The following CDS2 variants were observed in gnomAD, a reference collection of about 807,000 sequenced individuals.
CDS2 encodes CDP-diacylglycerol synthase 2, also known as phosphatidate cytidylyltransferase 2.
CDS2 carries 47 observed loss-of-function variants against 59.0 expected under a neutral mutation model. The observed-to-expected ratio is 0.80, with a 90% confidence interval of 0.63 to 1.02. The LOEUF (loss-of-function observed/expected upper bound fraction) is 1.02. Ranked by LOEUF, CDS2 falls within the 50% of genes least tolerant of loss-of-function variation. CDS2 has a pLI of 0.00. For missense variants in CDS2, 356 were observed against 558.9 expected (o/e 0.64, Z 3.66); for synonymous variants, 207 against 206.4 (o/e 1.00, Z -0.02).
intron 10 of CDS2, 131 bp from the exon 11 acceptor site, chr20:5,188,936 A>G: frequency 8.7e-7 from 1 of 1,153,740 alleles, no homozygotes. Flanking sequence ...CCTGTGACCC[A>G]AACACCTCCC....
At chr20:5,188,271 C>A (rs1254228033) in intron 10 of CDS2, among the ~76,000 whole-genome samples, 1 of 152,152 alleles carries the variant, frequency 6.6e-6, no homozygotes, top group Admixed American at 6.5e-5. Context: ...TAAGAGAGAA[C>A]AAAGTCCATT....
At chr20:5,153,104 T>C (rs1045503375) in intron 1 of CDS2, among the ~76,000 whole-genome samples, 36 of 152,218 alleles carry the variant, frequency 2.4e-4, no homozygotes, top group Admixed American at 1.9e-3. Context: ...TTTTGAACTT[T>C]GATCCACAGG....
At chr20:5,138,989 C>G (rs1054243993) in intron 1 of CDS2, among the ~76,000 whole-genome samples, 5 of 152,114 alleles carry the variant, frequency 3.3e-5, no homozygotes, top group Non-Finnish European at 5.9e-5. Context: ...ATCACACTAC[C>G]TGATTTCAAA....
intron 5 of CDS2, among the ~76,000 whole-genome samples, chr20:5,182,051 A>G (rs2091036628): frequency 6.6e-6 from 1 of 152,228 alleles, no homozygotes; most frequent in South Asian, 2.1e-4. Flanking sequence ...CTGTGTTTGA[A>G]TAAAACTTTA....
At position 5,197,627 on chromosome 20, in the gene CDS2, G is replaced by C. The variant is rs866752335; in HGVS notation, c.*7393G>C. The C allele has an allele frequency of 6.6e-6, 1 of 152,206 alleles. No individual in the cohort carries two copies. The highest frequency in any genetic ancestry group is 2.4e-5 in the African/African-American group (1 of 41,514). The allele number at this position is 152,206 out of a possible 1,614,324, so 9.4% of individuals were successfully genotyped here. A position where few individuals can be genotyped will look rare whatever the true frequency, so the allele number is the denominator to read the frequency against. On this transcript the variant is annotated 3_prime_UTR_variant, in exon 13 of 13. Coordinates refer to ENST00000460006, the MANE Select transcript of CDS2 (RefSeq NM_003818.4). ...GCGACCTTGAAGCAGTTCTCGGTGT[G>C]TAGAGTCCACGTGACAGTCCCCACA...
chr20:5,189,980 G>T, intron 12 of CDS2, 122 bp from the exon 13 acceptor site: 1 of 1,404,056 alleles, frequency 7.1e-7, no homozygotes, highest in Non-Finnish European at 9.8e-7. Context: ...ATTTTCTGAG[G>T]CCTCCTGTCA....
At chr20:5,173,498 T>C (rs2090971595) in intron 1 of CDS2, 25 bp from the exon 2 acceptor site, 3 of 1,613,174 alleles carry the variant, frequency 1.9e-6, no homozygotes, top group Non-Finnish European at 2.5e-6. Context: ...TTGACCTTTT[T>C]CTCTTCTGTA....
chr20:5,185,729 T>G (rs774938379), intron 8 of CDS2, 29 bp from the exon 9 acceptor site: 1 of 1,606,870 alleles, frequency 6.2e-7, no homozygotes, highest in South Asian at 1.1e-5. Context: ...CAAAACACCC[T>G]TTGCTGAGAA....
intron 1 of CDS2, among the ~76,000 whole-genome samples, chr20:5,127,399 C>T (rs1490742799): frequency 6.6e-6 from 1 of 152,108 alleles, no homozygotes; most frequent in African/African-American, 2.4e-5. Flanking sequence ...AGGAGCTTCT[C>T]GGGAGTGGCG....
At chr20:5,129,504 A>G (rs1373324964) in intron 1 of CDS2, among the ~76,000 whole-genome samples, 4 of 150,232 alleles carry the variant, frequency 2.7e-5, no homozygotes, top group African/African-American at 7.4e-5. Flanking sequence ...GTGCAATGGC[A>G]TGATGTTGGC....
intron 1 of CDS2, among the ~76,000 whole-genome samples, chr20:5,165,836 GGTTTGCAGACT>G (rs990583850): frequency 6.6e-6 from 1 of 152,122 alleles, no homozygotes; most frequent in African/African-American, 2.4e-5. Flanking sequence ...AGTAGAGGGT[GGTTTGCAGACT>G]GTTTAAGTAG....
intron 1 of CDS2, among the ~76,000 whole-genome samples, chr20:5,147,583 T>G (rs2122984657): frequency 6.6e-6 from 1 of 152,276 alleles, no homozygotes; most frequent in East Asian, 1.9e-4. Flanking sequence ...TTCTTTCTTT[T>G]TATTTTTGTA....
chr20:5,167,639 AT>A (rs1477494272), intron 1 of CDS2, among the ~76,000 whole-genome samples: 1 of 152,006 alleles, frequency 6.6e-6, no homozygotes, highest in Non-Finnish European at 1.5e-5. Flanking sequence ...CCTGACACTT[AT>A]TAAGGATGCT....
chr20:5,169,673 A>G (rs920226874), intron 1 of CDS2, among the ~76,000 whole-genome samples: 1 of 152,250 alleles, frequency 6.6e-6, no homozygotes, highest in African/African-American at 2.4e-5. Flanking sequence ...CAAAGCATAC[A>G]TGGGAAAGAA....
At position 5,189,084 on chromosome 20, in the gene CDS2, C is replaced by T. The variant is rs370998735; in HGVS notation, c.999C>T (p.Tyr333=). ...SVIGWKTVRM[Y]PFQIHSIALS... ...CTTCTCAGAAAACGGTCCGGATGTA[C>T]CCCTTCCAGATTCACAGCATCGCTC... Residue 333 remains tyrosine, a synonymous_variant, in exon 11 of 13, where the codon TAC becomes TAT. Coordinates refer to ENST00000460006, the MANE Select transcript of CDS2 (RefSeq NM_003818.4). The T allele has an allele frequency of 6.2e-7, 1 of 1,614,162 alleles. No individual in the cohort carries two copies. The highest frequency in any genetic ancestry group is 2.2e-5 in the East Asian group (1 of 44,884).
At chr20:5,186,585 G>A (rs2091069563) in intron 9 of CDS2, 102 bp from the exon 10 acceptor site, 6 of 1,109,370 alleles carry the variant, frequency 5.4e-6, no homozygotes, top group South Asian at 1.4e-5. Context: ...CAGTTAGCAG[G>A]GTACTAGGCA....
intron 1 of CDS2, among the ~76,000 whole-genome samples, chr20:5,139,108 A>G (rs532664417): frequency 3.7e-4 from 57 of 152,308 alleles, no homozygotes; most frequent in African/African-American, 1.3e-3. Flanking sequence ...TTGGGAGGCC[A>G]AGGTGGGTGG....
intron 1 of CDS2, among the ~76,000 whole-genome samples, chr20:5,162,817 A>C (rs76039244): frequency 3.8e-4 from 58 of 152,158 alleles, no homozygotes; most frequent in Non-Finnish European, 7.2e-4. Context: ...TGAGAACCTG[A>C]TAAGTATGGT....
intron 5 of CDS2, among the ~76,000 whole-genome samples, chr20:5,181,683 T>C (rs980314251): frequency 6.6e-6 from 1 of 152,204 alleles, no homozygotes; most frequent in Admixed American, 6.5e-5. Flanking sequence ...GCAAACATTG[T>C]AGAGTGTACT....
Sources: gnomAD v4.1 joint callset for allele counts (sites outside exome capture counted in the v4.1 genomes callset) on GRCh38, gnomAD v4.1.1 for gene constraint, MANE v1.5 for transcripts, NCBI Gene and HGNC (gene_info 2026-07-23, HGNC 2026-07-21) for gene names.